HCN1: variants seen among roughly 807,000 people sequenced by gnomAD.
HCN1 encodes the protein hyperpolarization activated cyclic nucleotide gated potassium channel 1.
A neutral mutation model predicts 78.9 loss-of-function variants in HCN1; 13 were observed. The observed-to-expected ratio is 0.16, with a 90% CI of 0.11 to 0.26. HCN1 has a LOEUF of 0.26. Ranked by LOEUF, HCN1 falls within the 10% of genes least tolerant of loss-of-function variation. The probability of loss-of-function intolerance (pLI) is 1.00; values close to 1 mark genes in which losing one functional copy is unlikely to be tolerated. For synonymous variants in HCN1, 552 were observed against 455.5 expected, an observed-to-expected ratio of 1.21 and a Z score of -2.70; for missense variants, 810 against 1,154.3, an observed-to-expected ratio of 0.70 and a Z score of 4.32.
chr5:45,490,287 G>C (rs576584912), intron 2 of HCN1, among the ~76,000 whole-genome samples: 1 of 152,254 alleles, frequency 6.6e-6, no homozygotes, highest in South Asian at 2.1e-4. Flanking sequence ...TTGTTTTCCT[G>C]AAAGAAACAG....
chr5:45,460,361 G>T (rs773424881), intron 3 of HCN1, among the ~76,000 whole-genome samples: 1 of 152,160 alleles, frequency 6.6e-6, no homozygotes, highest in East Asian at 1.9e-4. Flanking sequence ...GAAATTGAAC[G>T]TGCTGGCACC....
chr5:45,375,963 A>T (rs868453695), intron 4 of HCN1, among the ~76,000 whole-genome samples: 3,786 of 114,708 alleles, frequency 0.033, 248 homozygotes, highest in African/African-American at 0.12. Context: ...ATATATGATA[A>T]AATATTTTAT....
At chr5:45,383,906 G>T (rs528013806) in intron 4 of HCN1, among the ~76,000 whole-genome samples, 2 of 151,960 alleles carry the variant, frequency 1.3e-5, no homozygotes, top group South Asian at 4.2e-4. Context: ...CACATCCTCT[G>T]CTCCACAAAA....
chr5:45,317,237 G>T (rs1341098631), intron 5 of HCN1, among the ~76,000 whole-genome samples: 1 of 152,088 alleles, frequency 6.6e-6, no homozygotes, highest in African/African-American at 2.4e-5. Context: ...CAATGGAACA[G>T]AACAGAGCCC....
intron 2 of HCN1, among the ~76,000 whole-genome samples, chr5:45,626,958 T>TAC (rs933625890): frequency 6.6e-6 from 1 of 151,670 alleles, no homozygotes; most frequent in Non-Finnish European, 1.5e-5. Context: ...TATATATATA[T>TAC]ACACACATGC....
chr5:45,297,665 A>G (rs1201308940), intron 6 of HCN1, among the ~76,000 whole-genome samples: 1 of 152,114 alleles, frequency 6.6e-6, no homozygotes, highest in Non-Finnish European at 1.5e-5. Context: ...TACATGAATA[A>G]AAATGCATAG....
At chr5:45,494,002 G>T (rs1305310794) in intron 2 of HCN1, among the ~76,000 whole-genome samples, 1 of 152,014 alleles carries the variant, frequency 6.6e-6, no homozygotes, top group Non-Finnish European at 1.5e-5. Flanking sequence ...GTCTATCATT[G>T]TTGGACATTT....
intron 2 of HCN1, chr5:45,617,186 T>C (rs1203908350): frequency 6.6e-6 from 1 of 152,082 alleles, no homozygotes; most frequent in Non-Finnish European, 1.5e-5. Flanking sequence ...CTTGCACATG[T>C]TTTATAGAAA....
intron 6 of HCN1, among the ~76,000 whole-genome samples, chr5:45,292,762 A>G (rs1456700224): frequency 1.3e-5 from 2 of 152,002 alleles, no homozygotes; most frequent in Non-Finnish European, 2.9e-5. Context: ...AAGAAGAAAT[A>G]AAGATTAAGA....
At chr5:45,504,944 GTTGT>G (rs1293715668) in intron 2 of HCN1, among the ~76,000 whole-genome samples, 3 of 152,196 alleles carry the variant, frequency 2.0e-5, no homozygotes, top group East Asian at 1.9e-4. Flanking sequence ...TTTTGATGGG[GTTGT>G]TTGTTTTTTT....
At chr5:45,412,428 C>T (rs142764177) in intron 3 of HCN1, among the ~76,000 whole-genome samples, 26 of 152,018 alleles carry the variant, frequency 1.7e-4, no homozygotes, top group African/African-American at 5.5e-4. Flanking sequence ...ATAGTGGAGC[C>T]GGGAACAGTG....
intron 1 of HCN1, among the ~76,000 whole-genome samples, chr5:45,676,746 T>C (rs1746274220): frequency 1.3e-5 from 2 of 151,852 alleles, no homozygotes; most frequent in Admixed American, 1.3e-4. Flanking sequence ...GTTGAAAGAT[T>C]TGTGGGAAAT....
chr5:45,322,590 T>G (rs756996514), intron 5 of HCN1, among the ~76,000 whole-genome samples: 1 of 151,986 alleles, frequency 6.6e-6, no homozygotes, highest in Non-Finnish European at 1.5e-5. Flanking sequence ...ATGTTTCATA[T>G]ATACTTCAAA....
intron 1 of HCN1, among the ~76,000 whole-genome samples, chr5:45,675,377 T>C (rs1207752027): frequency 1.3e-5 from 2 of 151,762 alleles, no homozygotes; most frequent in Non-Finnish European, 2.9e-5. Context: ...TAATGGGAAT[T>C]ATCCAGAACA....
At chr5:45,398,013 C>T (rs556466732) in intron 3 of HCN1, among the ~76,000 whole-genome samples, 77 of 151,376 alleles carry the variant, frequency 5.1e-4, no homozygotes, top group African/African-American at 1.8e-3. Flanking sequence ...TAAAAATGAT[C>T]TTTCTATTAA....
intron 4 of HCN1, among the ~76,000 whole-genome samples, chr5:45,377,833 G>A (rs1296187703): frequency 6.6e-6 from 1 of 151,908 alleles, no homozygotes; most frequent in Admixed American, 6.6e-5. Flanking sequence ...CTCCCAAGAG[G>A]GCTGTATAGA....
chr5:45,630,346 G>A (rs1745249869), intron 2 of HCN1, among the ~76,000 whole-genome samples: 2 of 152,170 alleles, frequency 1.3e-5, no homozygotes, highest in Admixed American at 6.6e-5. Context: ...TGGGGAAATT[G>A]TTAATCTCTC....
chr5:45,292,223 T>G (rs892346707), intron 6 of HCN1, among the ~76,000 whole-genome samples: 7 of 152,048 alleles, frequency 4.6e-5, no homozygotes, highest in Admixed American at 1.3e-4. Flanking sequence ...TCCATTATCT[T>G]AATCTTACAA....
At chr5:45,315,945 A>C (rs146004213) in intron 5 of HCN1, among the ~76,000 whole-genome samples, 148,186 of 152,216 alleles carry the variant, frequency 0.97, 72,248 homozygotes, top group East Asian at 1. Context: ...CAAAAAAAGT[A>C]CAGGACCAGA....
Sources: allele counts gnomAD v4.1 joint callset (sites outside exome capture counted in the v4.1 genomes callset), GRCh38; gene constraint gnomAD v4.1.1; transcripts MANE v1.5; gene names NCBI Gene and HGNC (gene_info 2026-07-23, HGNC 2026-07-21).